SSPN: variants seen among roughly 807,000 people sequenced by gnomAD.
The protein encoded by SSPN is sarcospan, also known as K-ras oncogene-associated protein.
SSPN carries 15 observed loss-of-function variants against 19.1 expected under a neutral mutation model. The ratio of observed to expected loss-of-function variants is 0.78; its 90% CI spans 0.52 to 1.21. The LOEUF is 1.21. SSPN is among the 50% of genes most tolerant of loss of function. The pLI is 0.00. For synonymous variants in SSPN, 147 were observed against 140.3 expected, an observed-to-expected ratio of 1.05 and a Z score of -0.34; for missense variants, 291 against 314.0, an observed-to-expected ratio of 0.93 and a Z score of 0.55.
At chr12:26,227,142 A>G (rs1364714797) in intron 2 of SSPN, among the ~76,000 whole-genome samples, 1 of 152,208 alleles carries the variant, frequency 6.6e-6, no homozygotes, top group Non-Finnish European at 1.5e-5. Flanking sequence ...CGTGCCATGT[A>G]GGTAAAACAA....
At chr12:26,122,061 A>T in exon 1 of SSPN, 2 of 1,549,248 alleles carry the variant, frequency 1.3e-6, no homozygotes, top group Non-Finnish European at 1.7e-6. Flanking sequence ...TCGGGACGCA[A>T]GGATTCAGGG....
intron 1 of SSPN, among the ~76,000 whole-genome samples, chr12:26,185,422 T>C (rs1241306581): frequency 6.6e-6 from 1 of 152,120 alleles, no homozygotes; most frequent in Non-Finnish European, 1.5e-5. Flanking sequence ...AGTATTGAGG[T>C]CTGCTGTCTT....
chr12:26,225,767 G>GC (rs1945170087), intron 2 of SSPN, among the ~76,000 whole-genome samples: 1 of 102,132 alleles, frequency 9.8e-6, no homozygotes, highest in Non-Finnish European at 2.0e-5. Context: ...AAAAAAAAAA[G>GC]CCAGAAAGCT....
intron 1 of SSPN, among the ~76,000 whole-genome samples, chr12:26,137,497 C>G (rs1175123965): frequency 6.6e-6 from 1 of 151,582 alleles, no homozygotes; most frequent in Non-Finnish European, 1.5e-5. Flanking sequence ...ACCTCAGTGT[C>G]CGCACTTATA....
In SSPN at chr12:26,232,361, CTT is replaced by C; in HGVS notation, c.*1286_*1287del. ...GCACAAATGCCCCAAGGTGGGGAGACTTCTCTCTGTGATTATTGTTGCTATTA... is the reference window on the plus strand; with the variant it reads ...GCACAAATGCCCCAAGGTGGGGAGACCTCTCTGTGATTATTGTTGCTATTA... On this transcript the variant is annotated 3_prime_UTR_variant, in exon 3 of 3. Coordinates refer to ENST00000242729, the MANE Select transcript of SSPN (RefSeq NM_005086.5). The C allele has an allele frequency of 1.0e-6, 1 of 983,526 alleles. No homozygotes were observed. The highest frequency in any genetic ancestry group is 1.2e-6 in the Non-Finnish European group (1 of 829,090). The allele number at this position is 983,526 out of a possible 1,614,324, so 60.9% of individuals were successfully genotyped here. A position where few individuals can be genotyped will look rare whatever the true frequency, so the allele number is the denominator to read the frequency against.
At chr12:26,124,956 T>TCGCACACACA (rs1489277709) in intron 1 of SSPN, 1 of 696,454 alleles carries the variant, frequency 1.4e-6, no homozygotes, top group Non-Finnish European at 2.6e-6. Flanking sequence ...TCCACCGCGC[T>TCGCACACACA]CGCACACACA....
chr12:26,137,753 C>A (rs61915717), intron 1 of SSPN, among the ~76,000 whole-genome samples: 23,545 of 143,754 alleles, frequency 0.16, 2,113 homozygotes, highest in Non-Finnish European at 0.2. Flanking sequence ...CAACTGCCAC[C>A]TCCTCTTTTC....
chr12:26,185,316 C>A (rs540924342), intron 1 of SSPN, among the ~76,000 whole-genome samples: 46 of 152,016 alleles, frequency 3.0e-4, no homozygotes, highest in African/African-American at 1.0e-3. Flanking sequence ...TGCTTATGGA[C>A]AAAAAAACAT....
At chr12:26,182,563 T>TCCCTTC (rs1399847167) in intron 1 of SSPN, among the ~76,000 whole-genome samples, 31 of 146,962 alleles carry the variant, frequency 2.1e-4, no homozygotes, top group Admixed American at 1.2e-3. Flanking sequence ...GGACCCCGTC[T>TCCCTTC]CCCTTCCCCT....
chr12:26,130,834 T>C (rs61915714), intron 1 of SSPN, among the ~76,000 whole-genome samples: 14,803 of 151,910 alleles, frequency 0.097, 940 homozygotes, highest in Non-Finnish European at 0.14. Context: ...AGAAGATGGC[T>C]GCAGGAACTC....
chr12:26,209,295 G>A (rs1944960123), intron 1 of SSPN, among the ~76,000 whole-genome samples: 1 of 151,986 alleles, frequency 6.6e-6, no homozygotes, highest in Non-Finnish European at 1.5e-5. Context: ...CTTATTTTGT[G>A]ACCAATCTTC....
At chr12:26,200,920 A>G (rs1944871254) in intron 1 of SSPN, among the ~76,000 whole-genome samples, 1 of 150,484 alleles carries the variant, frequency 6.6e-6, no homozygotes, top group South Asian at 2.1e-4. Flanking sequence ...CAATAATGAC[A>G]GGAAAATTAT....
chr12:26,122,499 TG>T, intron 1 of SSPN: 1 of 1,312,652 alleles, frequency 7.6e-7, no homozygotes, highest in Non-Finnish European at 9.8e-7. Flanking sequence ...GGCCGCGGGC[TG>T]CGGGAAGGGC....
At chr12:26,220,146 T>G (rs1303751658) in intron 1 of SSPN, among the ~76,000 whole-genome samples, 2 of 151,660 alleles carry the variant, frequency 1.3e-5, no homozygotes, top group African/African-American at 4.9e-5. Context: ...AAACCTTCAG[T>G]TTTCAGTACC....
chr12:26,158,207 T>C (rs1182844282), intron 1 of SSPN, among the ~76,000 whole-genome samples: 1 of 152,288 alleles, frequency 6.6e-6, no homozygotes, highest in Non-Finnish European at 1.5e-5. Flanking sequence ...ATTTTTCTTT[T>C]TTTCTGTTTT....
rs995678474 is a variant in SSPN at position 26,232,672 on chromosome 12, A to C, written c.*1596A>C. The C allele has an allele frequency of 1.0e-6, 1 of 985,176 alleles. No homozygotes were observed. The highest frequency in any genetic ancestry group is 1.2e-6 in the Non-Finnish European group (1 of 829,836). The allele number at this position is 985,176 out of a possible 1,614,324, so 61.0% of individuals were successfully genotyped here. ...TACACAATATAAATATCCAGTATAA[A>C]GGAAAGCGTTAAGTCGGTAAGCTAG... On this transcript the variant is annotated 3_prime_UTR_variant, in exon 3 of 3. Transcript: ENST00000242729.
chr12:26,167,990 G>A (rs999510760), intron 1 of SSPN, among the ~76,000 whole-genome samples: 1 of 152,156 alleles, frequency 6.6e-6, no homozygotes, highest in African/African-American at 2.4e-5. Flanking sequence ...GAGGTGGGAG[G>A]ACAGCTTGAG....
intron 1 of SSPN, chr12:26,122,400 A>G: frequency 7.8e-7 from 1 of 1,283,178 alleles, no homozygotes. Flanking sequence ...ATACTTCTCC[A>G]GGCCGCTCTT....
intron 1 of SSPN, among the ~76,000 whole-genome samples, chr12:26,145,564 A>T (rs1944485427): frequency 1.3e-5 from 2 of 152,190 alleles, no homozygotes; most frequent in African/African-American, 4.8e-5. Context: ...TCTGTCTCAT[A>T]CAGAGCCTCT....
Sources: gnomAD v4.1 joint callset for allele counts (sites outside exome capture counted in the v4.1 genomes callset) on GRCh38, gnomAD v4.1.1 for gene constraint, MANE v1.5 for transcripts, NCBI Gene and HGNC (gene_info 2026-07-23, HGNC 2026-07-21) for gene names.